Variants in CHST8 observed in about 807,000 individuals in gnomAD.
CHST8 encodes GALNAC-4-ST1.
Under a neutral mutation model 15.0 loss-of-function variants are expected in CHST8, and 10 were observed. That is an observed-to-expected ratio of 0.67 (90% CI 0.41 to 1.13). The LOEUF (loss-of-function observed/expected upper bound fraction) is 1.13, where lower values mean the gene tolerates loss of function less well. Among genes scored for constraint, CHST8 ranks in the 50% most tolerant of loss-of-function variants. The probability of loss-of-function intolerance (pLI) is 0.00; values close to 1 mark genes in which losing one functional copy is unlikely to be tolerated. For missense variants in CHST8, 634 were observed against 608.2 expected, an observed-to-expected ratio of 1.04 and a Z score of -0.45; for synonymous variants, 259 against 256.6, an observed-to-expected ratio of 1.01 and a Z score of -0.09.
chr19:33,695,096 G>A (rs1043204047), intron 3 of CHST8, among the ~76,000 whole-genome samples: 5 of 151,868 alleles, frequency 3.3e-5, no homozygotes, highest in South Asian at 2.1e-4. Context: ...ACAGGCAGAC[G>A]CCACTACACC....
chr19:33,688,588 G>C (rs1973031332), intron 2 of CHST8, among the ~76,000 whole-genome samples: 1 of 152,128 alleles, frequency 6.6e-6, no homozygotes, highest in Non-Finnish European at 1.5e-5. Context: ...CCATCTGTCA[G>C]TCCATCAGTG....
At position 33,667,154 on chromosome 19, in the gene CHST8, T is replaced by C. The variant is rs113141422; in HGVS notation, c.-163-613T>C. Among the ~76,000 whole-genome samples, 11 of 152,260 alleles carry C rather than the reference T, an allele frequency of 7.2e-5. 1 individual carries two copies. Among genetic ancestry groups the C allele is most frequent in the African/African-American group, 2.6e-4 (11 of 41,554 alleles). ...CATCTTGAAGAATGGGGTTTGCAGA[T>C]GGAGGGTGAAGGGCACATTCATCCC... On this transcript the variant is annotated intron_variant, in intron 1 of 4. Coordinates refer to ENST00000650847, the MANE Select transcript of CHST8 (RefSeq NM_001127895.2).
At chr19:33,657,094 A>T (rs547861266) in intron 1 of CHST8, among the ~76,000 whole-genome samples, 2 of 148,986 alleles carry the variant, frequency 1.3e-5, no homozygotes, top group African/African-American at 4.9e-5. Context: ...GGATTTGTTA[A>T]TTTTCCTTGT....
rs566925407 is a variant in CHST8 at position 33,628,239 on chromosome 19, G to A, written c.-164+5943G>A. Among the ~76,000 whole-genome samples, 6 of 152,316 alleles carry A rather than the reference G, an allele frequency of 3.9e-5. No individual in the cohort carries two copies. The South Asian group carries it at 1.0e-3, about 26-fold the overall frequency. On this transcript the variant is annotated intron_variant, in intron 1 of 4. Transcript: ENST00000650847. Reference sequence around the variant, plus strand: ...GTGGAGGGAATGTGTGAGAGGGCATGAGGAGCACCATCTGGGAGCTGTGGG... The same window carrying A: ...GTGGAGGGAATGTGTGAGAGGGCATAAGGAGCACCATCTGGGAGCTGTGGG...
At chr19:33,627,129 C>T (rs1369423335) in intron 1 of CHST8, among the ~76,000 whole-genome samples, 5 of 148,372 alleles carry the variant, frequency 3.4e-5, no homozygotes, top group South Asian at 2.2e-4. Flanking sequence ...GACGGAGTCT[C>T]GCTCTGTTAC....
chr19:33,649,359 C>T (rs1475386785), intron 1 of CHST8, among the ~76,000 whole-genome samples: 3 of 152,002 alleles, frequency 2.0e-5, no homozygotes, highest in Non-Finnish European at 4.4e-5. Context: ...GAGATGTCAG[C>T]TGAAAAAACA....
intron 1 of CHST8, among the ~76,000 whole-genome samples, chr19:33,640,890 C>T (rs973830935): frequency 4.6e-5 from 7 of 152,124 alleles, no homozygotes; most frequent in Admixed American, 6.5e-5. Flanking sequence ...ATATCTGCTG[C>T]TGATGCTCCC....
chr19:33,660,019 C>A (rs1972566432), intron 1 of CHST8, among the ~76,000 whole-genome samples: 1 of 152,210 alleles, frequency 6.6e-6, no homozygotes, highest in African/African-American at 2.4e-5. Context: ...TGGGCTCCAC[C>A]AGGCTTCCTG....
intron 1 of CHST8, among the ~76,000 whole-genome samples, chr19:33,634,399 A>C (rs772282104): frequency 1.3e-5 from 2 of 152,140 alleles, no homozygotes; most frequent in Non-Finnish European, 2.9e-5. Context: ...TTCGTCCCCA[A>C]ATTGTAGAAC....
At chr19:33,709,581 T>G (rs1335120971) in intron 3 of CHST8, among the ~76,000 whole-genome samples, 1 of 152,160 alleles carries the variant, frequency 6.6e-6, no homozygotes. Flanking sequence ...GTATAATCCT[T>G]TTTATATGTT....
At chr19:33,728,728 A>T (rs1973945719) in intron 3 of CHST8, among the ~76,000 whole-genome samples, 1 of 152,162 alleles carries the variant, frequency 6.6e-6, no homozygotes, top group African/African-American at 2.4e-5. Context: ...GGGGAGGTGC[A>T]GGGGAGCCCA....
At chr19:33,703,282 TGAA>T (rs1387057764) in intron 3 of CHST8, among the ~76,000 whole-genome samples, 2 of 152,170 alleles carry the variant, frequency 1.3e-5, no homozygotes, top group Admixed American at 6.5e-5. Context: ...ACTGCCAGCA[TGAA>T]GAAGGGCCCG....
At chr19:33,666,661 A>G (rs1972665366) in intron 1 of CHST8, among the ~76,000 whole-genome samples, 1 of 151,878 alleles carries the variant, frequency 6.6e-6, no homozygotes, top group Non-Finnish European at 1.5e-5. Context: ...TTGAAGATAG[A>G]CTTAATTAGA....
At chr19:33,703,047 C>G (rs950722437) in intron 3 of CHST8, among the ~76,000 whole-genome samples, 1 of 152,224 alleles carries the variant, frequency 6.6e-6, no homozygotes, top group African/African-American at 2.4e-5. Context: ...GTGAGAGTCA[C>G]CTGGCATCAG....
chr19:33,658,110 T>C (rs934703184), intron 1 of CHST8, among the ~76,000 whole-genome samples: 7 of 152,110 alleles, frequency 4.6e-5, no homozygotes, highest in Non-Finnish European at 1.0e-4. Context: ...GAGGCTAAGA[T>C]GGGTGGATCA....
chr19:33,719,762 T>C (rs908375558), intron 3 of CHST8, among the ~76,000 whole-genome samples: 1 of 143,890 alleles, frequency 6.9e-6, no homozygotes, highest in Non-Finnish European at 1.5e-5. Context: ...AAAAAAAAAA[T>C]CACATGCAGT....
Position 33,677,361 on chromosome 19 carries a change from G to GT in CHST8, c.-87+9519dup, listed in dbSNP as rs144149288. On this transcript the variant is annotated intron_variant, in intron 2 of 4. Coordinates refer to ENST00000650847, the MANE Select transcript of CHST8 (RefSeq NM_001127895.2). The stretch of plus-strand genomic sequence containing the variant: ...CCTTGAGGTTGAGCGATGAGGGCAT[G>GT]TGAAACCCAGGATGGTAGAAAAGAG... Among the ~76,000 whole-genome samples, 19 of 152,344 alleles carry GT rather than the reference G, an allele frequency of 1.2e-4. No homozygotes were observed. The East Asian group carries it at 3.1e-3, about 25-fold the overall frequency.
At chr19:33,694,169 C>CATATAT (rs397842550) in intron 3 of CHST8, among the ~76,000 whole-genome samples, 12 of 40,164 alleles carry the variant, frequency 3.0e-4, no homozygotes, top group Non-Finnish European at 4.0e-4. Context: ...GTAGTTTATT[C>CATATAT]ATATATATAT....
At chr19:33,692,875 AC>A (rs1302486772) in intron 3 of CHST8, among the ~76,000 whole-genome samples, 5 of 152,048 alleles carry the variant, frequency 3.3e-5, no homozygotes, top group African/African-American at 1.2e-4. Context: ...CATACCGGGC[AC>A]CCAGCACCCC....
Sources: gnomAD v4.1 joint callset for allele counts (sites outside exome capture counted in the v4.1 genomes callset) on GRCh38, gnomAD v4.1.1 for gene constraint, MANE v1.5 for transcripts, NCBI Gene and HGNC (gene_info 2026-07-23, HGNC 2026-07-21) for gene names.